VPS13B: variants seen among roughly 807,000 people sequenced by gnomAD.
The protein encoded by VPS13B is intermembrane lipid transfer protein VPS13B.
VPS13B carries 285 observed loss-of-function variants against 426.4 expected under a neutral mutation model. That is an observed-to-expected ratio of 0.67 (90% CI 0.61 to 0.74). VPS13B has a LOEUF of 0.74. Ranked by LOEUF, VPS13B falls within the 30% of genes least tolerant of loss-of-function variation. VPS13B has a pLI of 0.00. For missense variants in VPS13B, 4,537 were observed against 4,782.6 expected (o/e 0.95, Z 1.51); for synonymous variants, 1,676 against 1,676.4 (o/e 1.00, Z 0.01).
rs1166387950 is a variant in VPS13B at position 99,419,768 on chromosome 8, A to G, written c.3083-11769A>G. Among the ~76,000 whole-genome samples the G allele has an allele frequency of 2.0e-5, 3 of 152,228 alleles. No individual in the cohort carries two copies. The East Asian group carries it at 5.8e-4, about 29-fold the overall frequency. ...ACAGAATATCAAATAATATGCTGAT[A>G]GAAAAGGTTTTAAGAAGGTACACAT... On this transcript the variant is annotated intron_variant, in intron 21 of 61. Coordinates refer to ENST00000357162, the MANE Select transcript of VPS13B (RefSeq NM_152564.5).
intron 16 of VPS13B, among the ~76,000 whole-genome samples, chr8:99,186,043 A>C (rs1813202689): frequency 6.6e-6 from 1 of 152,118 alleles, no homozygotes; most frequent in South Asian, 2.1e-4. Flanking sequence ...CACTAGTTAC[A>C]CTAGGATTTA....
At chr8:99,087,094 T>A (rs570829715) in intron 3 of VPS13B, among the ~76,000 whole-genome samples, 1 of 152,296 alleles carries the variant, frequency 6.6e-6, no homozygotes, top group South Asian at 2.1e-4. Flanking sequence ...TGAGCTGTGG[T>A]GGGCTCCACC....
At chr8:99,162,992 G>A (rs1430023162) in intron 15 of VPS13B, among the ~76,000 whole-genome samples, 1 of 152,152 alleles carries the variant, frequency 6.6e-6, no homozygotes, top group Admixed American at 6.5e-5. Context: ...AGATTAGTTA[G>A]ATACAGAGTT....
At chr8:99,743,898 T>A (rs1809907702) in intron 39 of VPS13B, among the ~76,000 whole-genome samples, 1 of 152,118 alleles carries the variant, frequency 6.6e-6, no homozygotes, top group African/African-American at 2.4e-5. Context: ...GCAATACCAT[T>A]CAGGACATAG....
At chr8:99,259,753 T>A (rs1817947642) in intron 17 of VPS13B, among the ~76,000 whole-genome samples, 1 of 152,036 alleles carries the variant, frequency 6.6e-6, no homozygotes, top group African/African-American at 2.4e-5. Context: ...TCCCTGAGTG[T>A]CTAGTAGTAA....
At chr8:99,190,304 CCTAT>C (rs1022948311) in intron 16 of VPS13B, among the ~76,000 whole-genome samples, 12 of 148,890 alleles carry the variant, frequency 8.1e-5, no homozygotes, top group African/African-American at 2.9e-4. Context: ...TAATTTTTAA[CCTAT>C]CTACTTTATT....
chr8:99,341,051 A>G, intron 19 of VPS13B: 1 of 271,644 alleles, frequency 3.7e-6, no homozygotes. Flanking sequence ...GATAGATTAT[A>G]ACTGATGCGG....
intron 21 of VPS13B, among the ~76,000 whole-genome samples, chr8:99,418,419 G>A (rs1050624057): frequency 2.7e-5 from 4 of 150,748 alleles, no homozygotes; most frequent in Non-Finnish European, 5.9e-5. Flanking sequence ...ATACCATATA[G>A]CAATAGATAT....
intron 30 of VPS13B, among the ~76,000 whole-genome samples, chr8:99,533,740 A>T (rs1823050630): frequency 6.6e-6 from 1 of 152,314 alleles, no homozygotes; most frequent in South Asian, 2.1e-4. Flanking sequence ...ACATGTTTAT[A>T]ATAGCCTTTC....
At chr8:99,461,158 G>GTT (rs34169100) in intron 23 of VPS13B, among the ~76,000 whole-genome samples, 49 of 148,486 alleles carry the variant, frequency 3.3e-4, no homozygotes, top group Admixed American at 1.9e-3. Flanking sequence ...TGTATTACTA[G>GTT]TTTTTTTTTT....
intron 2 of VPS13B, among the ~76,000 whole-genome samples, chr8:99,022,311 T>G (rs1001214508): frequency 2.1e-4 from 32 of 151,998 alleles, no homozygotes; most frequent in African/African-American, 7.5e-4. Flanking sequence ...GATTTCATGT[T>G]GTCTTTTCAT....
At chr8:99,218,043 C>G (rs975022658) in intron 17 of VPS13B, among the ~76,000 whole-genome samples, 1 of 152,084 alleles carries the variant, frequency 6.6e-6, no homozygotes, top group African/African-American at 2.4e-5. Flanking sequence ...AAAGGTATGC[C>G]AGTTAGACTG....
chr8:99,515,373 T>C (rs1035362676), intron 29 of VPS13B, among the ~76,000 whole-genome samples: 1 of 151,882 alleles, frequency 6.6e-6, no homozygotes. Flanking sequence ...CTGCTGCTGC[T>C]GCTGCTGCTG....
At chr8:99,482,265 A>G (rs1446016681) in intron 25 of VPS13B, among the ~76,000 whole-genome samples, 3 of 152,032 alleles carry the variant, frequency 2.0e-5, no homozygotes, top group East Asian at 3.9e-4. Context: ...TTTTCTTTTT[A>G]TTTTTAACGT....
At chr8:99,592,822 T>A (rs1391706910) in intron 33 of VPS13B, among the ~76,000 whole-genome samples, 1 of 151,970 alleles carries the variant, frequency 6.6e-6, no homozygotes, top group Non-Finnish European at 1.5e-5. Context: ...GAAAGGACTC[T>A]CTGTTTAATA....
At chr8:99,767,436 TG>T (rs1463072655) in intron 40 of VPS13B, among the ~76,000 whole-genome samples, 1 of 149,858 alleles carries the variant, frequency 6.7e-6, no homozygotes, top group Non-Finnish European at 1.5e-5. Flanking sequence ...TCATCTTAAT[TG>T]TTTTTTTAAA....
chr8:99,392,364 AT>A (rs1563704881), intron 21 of VPS13B, among the ~76,000 whole-genome samples: 2 of 152,194 alleles, frequency 1.3e-5, no homozygotes, highest in Admixed American at 1.3e-4. Context: ...AATTAAAAAA[AT>A]AATTTTTATG....
In VPS13B at chr8:99,134,092, C is replaced by T. The variant is rs905132473; in HGVS notation, c.1207-540C>T. On this transcript the variant is annotated intron_variant, in intron 8 of 61. Transcript: ENST00000357162. ...GCTGGCTTTCAATAAGTATTTGTTG[C>T]ATGATTGAATGAGTCTATGAGATTT... Among the ~76,000 whole-genome samples, 4 of 152,176 alleles carry T rather than the reference C, an allele frequency of 2.6e-5. No individual in the cohort carries two copies. In the South Asian group the frequency reaches 8.3e-4, roughly 32 times the overall value.
intron 5 of VPS13B, among the ~76,000 whole-genome samples, chr8:99,103,710 A>C (rs1033288744): frequency 1.3e-5 from 2 of 152,030 alleles, no homozygotes; most frequent in Admixed American, 1.3e-4. Flanking sequence ...CATGTTAGCC[A>C]GGATGGTCTC....
Sources: gnomAD v4.1 joint callset for allele counts (sites outside exome capture counted in the v4.1 genomes callset) on GRCh38, gnomAD v4.1.1 for gene constraint, MANE v1.5 for transcripts, NCBI Gene and HGNC (gene_info 2026-07-23, HGNC 2026-07-21) for gene names.